ANLN: variants seen among roughly 807,000 people sequenced by gnomAD.
The protein encoded by ANLN is anillin, actin binding protein.
In ANLN, 59 loss-of-function variants were observed where a neutral mutation model predicts 135.1. The observed-to-expected ratio is 0.44, with a 90% CI of 0.35 to 0.54. The LOEUF (loss-of-function observed/expected upper bound fraction) is 0.54. ANLN is among the 20% of genes least tolerant of loss of function. The pLI is 0.00. For missense variants in ANLN, 1,182 were observed against 1,340.0 expected (o/e 0.88, Z 1.84); for synonymous variants, 406 against 456.4 (o/e 0.89, Z 1.41).
At chr7:36,448,827 A>G (rs1789121659) in intron 22 of ANLN, 1 of 152,184 alleles carries the variant, frequency 6.6e-6, no homozygotes, top group African/African-American at 2.4e-5. Context: ...GTGCATATTT[A>G]TATATTTGCT....
intron 22 of ANLN, among the ~76,000 whole-genome samples, chr7:36,445,489 T>C (rs13221293): frequency 1.3e-5 from 2 of 152,184 alleles, no homozygotes; most frequent in African/African-American, 4.8e-5. Flanking sequence ...GTGAAATTTG[T>C]CTGGGGTGGT....
intron 4 of ANLN, among the ~76,000 whole-genome samples, chr7:36,407,304 G>A (rs929800486): frequency 6.6e-6 from 1 of 152,126 alleles, no homozygotes; most frequent in Non-Finnish European, 1.5e-5. Flanking sequence ...ACTTAGCATA[G>A]TACCTGGCTA....
chr7:36,395,100 C>T (rs1786641748), intron 1 of ANLN, among the ~76,000 whole-genome samples: 1 of 152,146 alleles, frequency 6.6e-6, no homozygotes, highest in Non-Finnish European at 1.5e-5. Context: ...TACCACCACC[C>T]CAGATTTTAG....
rs868151950 is a variant in ANLN, at chr7:36,449,309, G to A, written c.3079-356G>A. ...GTTTCCTTTTATAGAAAGGGGAGAAGTGGGTAAGTTGTAGATAAAAGGCAC... is the reference window on the plus strand; with the variant it reads ...GTTTCCTTTTATAGAAAGGGGAGAAATGGGTAAGTTGTAGATAAAAGGCAC... On this transcript the variant is annotated intron_variant, in intron 22 of 23. Transcript: ENST00000265748. 2.1e-4 allele frequency: 34 copies of A among 158,416 alleles called. No individual in the cohort carries two copies. In the Middle Eastern group the frequency reaches 0.016, roughly 73 times the overall value. 9.8% of individuals were successfully genotyped at this position (158,416 alleles called of 1,614,324 possible).
In ANLN at chr7:36,406,238, C is replaced by T. The variant is rs773805253; in HGVS notation, c.545C>T (p.Ser182Phe). The change falls in exon 4 of 24, where the codon TCC becomes TTC. Residue 182 changes from serine (S) to phenylalanine (F), a missense_variant. Physicochemically the swap from Ser to Phe is radical, Grantham distance 155. Transcript: ENST00000265748. Reference protein sequence around the residue: ...SPMPSEEKAASPPRPLLSNAS... With the variant: ...SPMPSEEKAAFPPRPLLSNAS... ...ATGCCATCAGAGGAAAAGGCTGCTT[C>T]CCCTCCCAGACCTCTGCTTTCAAAT... The T allele has an allele frequency of 6.2e-7, 1 of 1,613,418 alleles. No individual in the cohort carries two copies. The highest frequency in any genetic ancestry group is 8.5e-7 in the Non-Finnish European group (1 of 1,179,332).
intron 9 of ANLN, among the ~76,000 whole-genome samples, chr7:36,418,841 C>A (rs563678383): frequency 2.4e-4 from 36 of 151,956 alleles, no homozygotes; most frequent in South Asian, 1.5e-3. Flanking sequence ...GCAACCTCTG[C>A]CTCCTGGGTT....
intron 3 of ANLN, among the ~76,000 whole-genome samples, chr7:36,402,956 C>T (rs1787018672): frequency 6.6e-6 from 1 of 152,060 alleles, no homozygotes; most frequent in African/African-American, 2.4e-5. Context: ...CTTAATAAGA[C>T]CTCTAGCTCT....
intron 3 of ANLN, among the ~76,000 whole-genome samples, chr7:36,399,985 A>C (rs1231085323): frequency 9.2e-5 from 14 of 152,016 alleles, no homozygotes; most frequent in Non-Finnish European, 1.5e-5. Context: ...CTGCCTTGTT[A>C]CAAAAAAAAA....
chr7:36,412,593 G>T (rs1417921315), intron 7 of ANLN, among the ~76,000 whole-genome samples: 1 of 152,052 alleles, frequency 6.6e-6, no homozygotes, highest in Non-Finnish European at 1.5e-5. Context: ...CTCTCAAAGT[G>T]CAGGGATTAC....
In ANLN at chr7:36,420,265, G is replaced by A; in HGVS notation, c.1966G>A (p.Ala656Thr). ...GKFQRTRVPR[A>T]ESGDSLGSED... ...ATTCCAAAGAACTCGTGTCCCTCGA[G>A]CTGAATCTGGTGATAGCCTTGGTTC... Residue 656 changes from alanine to threonine, a missense_variant, in exon 11 of 24, where the codon GCT (alanine) becomes ACT (threonine). Physicochemically the swap from Ala to Thr is moderately conservative, Grantham distance 58. Around this residue, in one of 3 missense-constraint regions of ANLN, gnomAD observed 1,022 missense variants for 1,134.0 expected, o/e 0.90. Transcript: ENST00000265748. The A allele has an allele frequency of 6.2e-7, 1 of 1,614,102 alleles. No homozygotes were observed. Among genetic ancestry groups the A allele is most frequent in the Non-Finnish European group, 8.5e-7 (1 of 1,179,986 alleles).
chr7:36,422,490 C>T, intron 13 of ANLN, 143 bp from the exon 14 acceptor site: 1 of 712,462 alleles, frequency 1.4e-6, no homozygotes, highest in Admixed American at 3.6e-5. Flanking sequence ...TCCCCAACCA[C>T]CTACCATGTT....
At chr7:36,424,121 T>C (rs1165358618) in intron 15 of ANLN, among the ~76,000 whole-genome samples, 178 bp downstream of exon 15, 1 of 152,192 alleles carries the variant, frequency 6.6e-6, no homozygotes, top group Non-Finnish European at 1.5e-5. Context: ...CTATCCTTCC[T>C]TTTGTTGAAT....
intron 6 of ANLN, 28 bp downstream of exon 6, chr7:36,410,732 C>T (rs766822040): frequency 6.3e-7 from 1 of 1,595,522 alleles, no homozygotes; most frequent in East Asian, 2.2e-5. Context: ...TAACATTATT[C>T]ATCACATGGT....
intron 1 of ANLN, among the ~76,000 whole-genome samples, chr7:36,392,586 AAG>A (rs2116483549): frequency 6.6e-6 from 1 of 151,860 alleles, no homozygotes; most frequent in East Asian, 1.9e-4. Flanking sequence ...TTGTATTTAA[AAG>A]AGTTTTAAAA....
chr7:36,391,930 T>C (rs1006072785), intron 1 of ANLN, among the ~76,000 whole-genome samples: 24 of 147,754 alleles, frequency 1.6e-4, no homozygotes, highest in African/African-American at 2.6e-5. Flanking sequence ...TGGTCGCTGA[T>C]ACTGTTCTGG....
chr7:36,410,084 C>T (rs759179288), intron 5 of ANLN, among the ~76,000 whole-genome samples: 8 of 152,158 alleles, frequency 5.3e-5, no homozygotes, highest in Non-Finnish European at 8.8e-5. Context: ...TCACGTTAGG[C>T]TTCCTAAAAG....
At chr7:36,431,597 G>GTGTGTATA (rs1306528982) in intron 20 of ANLN, among the ~76,000 whole-genome samples, 78 of 27,436 alleles carry the variant, frequency 2.8e-3, no homozygotes, top group African/African-American at 5.0e-3. Flanking sequence ...GTGTGTGTGT[G>GTGTGTATA]TATATATATA....
intron 20 of ANLN, among the ~76,000 whole-genome samples, chr7:36,434,402 T>G (rs1788442189): frequency 6.6e-6 from 1 of 152,202 alleles, no homozygotes; most frequent in Non-Finnish European, 1.5e-5. Flanking sequence ...GAGAGCTAGC[T>G]CTGCCTCTGC....
intron 20 of ANLN, among the ~76,000 whole-genome samples, chr7:36,432,946 A>C (rs1037996976): frequency 6.6e-6 from 1 of 152,054 alleles, no homozygotes; most frequent in African/African-American, 2.4e-5. Context: ...TTTGTTATAA[A>C]CCACACAATG....
Sources: allele counts gnomAD v4.1 joint callset (sites outside exome capture counted in the v4.1 genomes callset), GRCh38; gene constraint gnomAD v4.1.1; regional missense constraint gnomAD v4.1.1; transcripts MANE v1.5; gene names NCBI Gene and HGNC (gene_info 2026-07-23, HGNC 2026-07-21).